ABR: variants seen among roughly 807,000 people sequenced by gnomAD.
The protein encoded by ABR is ABR activator of RhoGEF and GTPase.
In ABR, 35 loss-of-function variants were observed where a neutral mutation model predicts 107.2. That is an observed-to-expected ratio of 0.33 (90% CI 0.25 to 0.43). The LOEUF (loss-of-function observed/expected upper bound fraction) is 0.43, where lower values mean the gene tolerates loss of function less well. ABR is among the 20% of genes least tolerant of loss of function. The probability of loss-of-function intolerance (pLI) is 1.00; values close to 1 mark genes in which losing one functional copy is unlikely to be tolerated. For missense variants in ABR, 815 were observed against 1,115.2 expected, an observed-to-expected ratio of 0.73 and a Z score of 3.83; for synonymous variants, 498 against 462.0, an observed-to-expected ratio of 1.08 and a Z score of -1.00.
Position 1,010,798 on chromosome 17 carries a change from G to C in ABR, c.2167C>G (p.Leu723Val). 1 of 1,613,880 alleles carries C rather than the reference G, an allele frequency of 6.2e-7. No homozygotes were observed. Among genetic ancestry groups the C allele is most frequent in the Non-Finnish European group, 8.5e-7 (1 of 1,180,024 alleles). ...GGCTCGGGCAGTTCCCGGAAGTACA[G>C]CTTGAGCGTCCCGGCGATGGCGTTG... ...DINAIAGTLKLYFRELPEPLL... is the reference protein window; with the variant it reads ...DINAIAGTLKVYFRELPEPLL... Residue 723 changes from leucine to valine, a missense_variant, in exon 20 of 23, where the codon CTG becomes GTG. Around this residue, in one of 5 missense-constraint regions of ABR, gnomAD observed 175 missense variants for 284.3 expected, o/e 0.62. Coordinates refer to ENST00000302538, the MANE Select transcript of ABR (RefSeq NM_021962.5). This position sits in a 1 kb window ranked among gnomAD's most constrained non-coding sequence, Gnocchi z 4.1.
At chr17:1,124,400 A>C (rs1597900959) in intron 2 of ABR, among the ~76,000 whole-genome samples, 1 of 151,208 alleles carries the variant, frequency 6.6e-6, no homozygotes, top group Non-Finnish European at 1.5e-5. Context: ...TGCAACACAC[A>C]CCCCCCACAG....
intron 3 of ABR, 96 bp from the exon 4 acceptor site, chr17:1,091,946 CA>C: frequency 1.5e-6 from 2 of 1,297,570 alleles, no homozygotes; most frequent in South Asian, 2.8e-5. Flanking sequence ...TCCCGCTGCC[CA>C]AGTCCTGCCC....
At chr17:1,009,817 C>T in intron 20 of ABR, 33 bp from the exon 21 acceptor site, 1 of 1,582,768 alleles carries the variant, frequency 6.3e-7, no homozygotes, top group Non-Finnish European at 8.7e-7. Flanking sequence ...TGGCGTTTGG[C>T]TCCTGGGGCT....
At chr17:1,215,145 A>G (rs2042973903) in intron 1 of ABR, among the ~76,000 whole-genome samples, 1 of 151,640 alleles carries the variant, frequency 6.6e-6, no homozygotes, top group Admixed American at 6.6e-5. Flanking sequence ...ACTTGAACCC[A>G]GGAGGCAGAG....
At position 1,154,339 on chromosome 17, in the gene ABR, C is replaced by G. The variant is rs996071068; in HGVS notation, c.61+25328G>C. On this transcript the variant is annotated intron_variant, in intron 1 of 22. Transcript: ENST00000302538. This position sits in a 1 kb window ranked among gnomAD's most constrained non-coding sequence, Gnocchi z 4.0. The stretch of plus-strand genomic sequence containing the variant: ...GCTGGGCACCCCCACTTCCCGGGGC[C>G]CACGGGCAGCCCGGACCTTCAGAAT... The G allele has an allele frequency of 6.6e-6, 1 of 152,370 alleles. No individual in the cohort carries two copies. Among genetic ancestry groups the G allele is most frequent in the African/African-American group, 2.4e-5 (1 of 41,448 alleles). 9.4% of individuals were successfully genotyped at this position (152,370 alleles called of 1,614,324 possible). A position where few individuals can be genotyped will look rare whatever the true frequency, so the allele number is the denominator to read the frequency against.
In ABR at chr17:1,056,118, G is replaced by C. The variant is rs376700554; in HGVS notation, c.1487-9C>G. On this transcript the variant is annotated splice_polypyrimidine_tract_variant and intron_variant, in intron 13 of 22. Coordinates refer to ENST00000302538, the MANE Select transcript of ABR (RefSeq NM_021962.5). Reference sequence around the variant, plus strand: ...TCCTGGAGACTCATCGTCTGCAAGAGAGAAAAGCCCCCAGGGCAGAGGGTG... The same window carrying C: ...TCCTGGAGACTCATCGTCTGCAAGACAGAAAAGCCCCCAGGGCAGAGGGTG... The C allele has an allele frequency of 1.9e-6, 3 of 1,613,752 alleles. No homozygotes were observed. Among genetic ancestry groups the C allele is most frequent in the Admixed American group, 3.3e-5 (2 of 60,022 alleles).
intron 1 of ABR, among the ~76,000 whole-genome samples, chr17:1,214,222 G>GC (rs1172152537): frequency 2.8e-5 from 4 of 142,544 alleles, no homozygotes; most frequent in Admixed American, 7.3e-5. Context: ...GGACTTCCCC[G>GC]CCCCCCACCA....
chr17:1,007,443 G>A (rs962103302), intron 21 of ABR, 131 bp from the exon 22 acceptor site: 1 of 1,113,474 alleles, frequency 9.0e-7, no homozygotes, highest in Non-Finnish European at 1.3e-6. Context: ...TGTCTCCTAG[G>A]AGTGGGGACC....
chr17:1,012,449 G>A (rs976044085), intron 18 of ABR: 2 of 692,592 alleles, frequency 2.9e-6, no homozygotes, highest in African/African-American at 3.5e-5. Flanking sequence ...ACGAGGAGCA[G>A]ACGATCTGGG....
intron 1 of ABR, among the ~76,000 whole-genome samples, chr17:1,195,430 T>C (rs4636972): frequency 0.31 from 46,637 of 150,608 alleles, 8,138 homozygotes; most frequent in East Asian, 0.62. Context: ...AGTGATTAAC[T>C]AGTCTCTGGT....
chr17:1,142,034 A>G (rs1005569374), intron 1 of ABR, among the ~76,000 whole-genome samples: 3 of 151,824 alleles, frequency 2.0e-5, no homozygotes, highest in African/African-American at 7.3e-5. Context: ...CTGGGATTAC[A>G]GGTGTGAGCC....
rs1307107012 is a variant in ABR, at chr17:1,070,491, C to T, written c.895-401G>A. On this transcript the variant is annotated intron_variant, in intron 8 of 22. Transcript: ENST00000302538. The surrounding 1 kb of genome is among the most constrained non-coding windows in gnomAD (Gnocchi z 4.2). Reference sequence around the variant, plus strand: ...CCCTGCCCGGGACGACCTGGTTTCTCCACCCTGGGGCACGAACATCCCCGT... The same window carrying T: ...CCCTGCCCGGGACGACCTGGTTTCTTCACCCTGGGGCACGAACATCCCCGT... Among the ~76,000 whole-genome samples, 6 of 152,194 alleles carry T rather than the reference C, an allele frequency of 3.9e-5. No individual in the cohort carries two copies. The highest frequency in any genetic ancestry group is 8.8e-5 in the Non-Finnish European group (6 of 68,024).
chr17:1,032,288 A>C (rs567490498), intron 16 of ABR, among the ~76,000 whole-genome samples: 1 of 152,174 alleles, frequency 6.6e-6, no homozygotes, highest in Non-Finnish European at 1.5e-5. Flanking sequence ...CCTTCCTCAG[A>C]GCCAGCTTGG....
In ABR at chr17:1,154,409, C is replaced by G. The variant is rs1201591975; in HGVS notation, c.61+25258G>C. ...GTTCCCGTCCCGTGGTGCTGCCTGC[C>G]CTGGTTGCATTAAAGTGCTCATAAA... On this transcript the variant is annotated intron_variant, in intron 1 of 22. Transcript: ENST00000302538. The surrounding 1 kb of genome is among the most constrained non-coding windows in gnomAD (Gnocchi z 4.0). 1 of 152,348 alleles carries G rather than the reference C, an allele frequency of 6.6e-6. No homozygotes were observed. The highest frequency in any genetic ancestry group is 1.5e-5 in the Non-Finnish European group (1 of 68,134). The allele number at this position is 152,348 out of a possible 1,614,324, so 9.4% of individuals were successfully genotyped here.
chr17:1,033,094 T>C (rs2072932121), intron 16 of ABR, among the ~76,000 whole-genome samples: 1 of 152,196 alleles, frequency 6.6e-6, no homozygotes, highest in Non-Finnish European at 1.5e-5. Flanking sequence ...CACTGTGCCT[T>C]ACTCAAACAT....
At chr17:1,009,821 T>C in intron 20 of ABR, 37 bp from the exon 21 acceptor site, 2 of 1,573,820 alleles carry the variant, frequency 1.3e-6, no homozygotes, top group Non-Finnish European at 8.7e-7. Flanking sequence ...GTTTGGCTCC[T>C]GGGGCTCCCC....
At chr17:1,031,891 CCTCCGT>C in intron 16 of ABR, 1 of 1,150,412 alleles carries the variant, frequency 8.7e-7, no homozygotes, top group Non-Finnish European at 1.1e-6. Flanking sequence ...TCCCTCCCTC[CCTCCGT>C]CCGCGTCCCT....
chr17:1,196,199 G>A (rs2042560441), intron 1 of ABR, among the ~76,000 whole-genome samples: 1 of 150,724 alleles, frequency 6.6e-6, no homozygotes, highest in Admixed American at 6.6e-5. Flanking sequence ...GGAGGCCGAG[G>A]CAGGCGGATC....
chr17:1,096,775 G>A (rs897677870), intron 3 of ABR, among the ~76,000 whole-genome samples: 7 of 144,580 alleles, frequency 4.8e-5, no homozygotes, highest in African/African-American at 1.8e-4. Context: ...TGCCCCGGGT[G>A]GAGAGAGCTG....
Sources: gnomAD v4.1 joint callset for allele counts (sites outside exome capture counted in the v4.1 genomes callset) on GRCh38, gnomAD v4.1.1 for gene constraint, gnomAD v4.1.1 regional missense constraint, Gnocchi (gnomAD v3.1) non-coding constraint, MANE v1.5 for transcripts, NCBI Gene and HGNC (gene_info 2026-07-23, HGNC 2026-07-21) for gene names.